RBM38: variants seen among roughly 807,000 people sequenced by gnomAD.
The protein encoded by RBM38 is RNA binding motif protein 38.
In RBM38, 11 loss-of-function variants were observed where a neutral mutation model predicts 23.5. That is an observed-to-expected ratio of 0.47 (90% CI 0.29 to 0.77). The LOEUF is 0.77. Ranked by LOEUF, RBM38 falls within the 30% of genes least tolerant of loss-of-function variation. The pLI, the probability that RBM38 is intolerant of heterozygous loss-of-function variation, is 0.08. For synonymous variants in RBM38, 165 were observed against 166.1 expected (o/e 0.99, Z 0.05); for missense variants, 330 against 351.9 (o/e 0.94, Z 0.50).
chr20:57,397,122 C>T (rs903621017), intron 3 of RBM38, among the ~76,000 whole-genome samples: 4 of 152,240 alleles, frequency 2.6e-5, no homozygotes, highest in African/African-American at 9.6e-5. Context: ...CTGCAGGCTC[C>T]TCCCCATCTG....
At chr20:57,395,863 AGTTTTGTCGGCCTTGGGCT>A (rs957019285) in intron 3 of RBM38, among the ~76,000 whole-genome samples, 4 of 152,146 alleles carry the variant, frequency 2.6e-5, no homozygotes, top group Admixed American at 6.5e-5. Flanking sequence ...CTCAGCGGCC[AGTTTTGTCGGCCTTGGGCT>A]GGCAGCGACT....
rs373492567 is a variant in RBM38 at position 57,407,831 on chromosome 20, T to A, written c.705T>A (p.Pro235=). The A allele has an allele frequency of 4.8e-5, 76 of 1,571,872 alleles. No individual in the cohort carries two copies. Among genetic ancestry groups the A allele is most frequent in the Admixed American group, 2.8e-4 (15 of 54,324 alleles). The change falls in exon 4 of 4, where the codon CCT becomes CCA. Residue 235 remains proline (P), a synonymous_variant. Coordinates refer to ENST00000356208, the MANE Select transcript of RBM38 (RefSeq NM_017495.6). This position sits in a 1 kb window ranked among gnomAD's most constrained non-coding sequence, Gnocchi z 4.0. ...FVQYQAPQLQ[P]DRMQ ...AGTACCAGGCGCCGCAGCTGCAGCCTGACAGGATGCAGTGAGGGGCGTTCC... is the reference window on the plus strand; with the variant it reads ...AGTACCAGGCGCCGCAGCTGCAGCCAGACAGGATGCAGTGAGGGGCGTTCC...
At chr20:57,394,380 A>G (rs926800574) in intron 3 of RBM38, among the ~76,000 whole-genome samples, 1 of 151,680 alleles carries the variant, frequency 6.6e-6, no homozygotes, top group Non-Finnish European at 1.5e-5. Flanking sequence ...AGGCCCCAGC[A>G]GAAGTTGCTG....
intron 2 of RBM38, 71 bp from the exon 3 acceptor site, chr20:57,393,208 C>T: frequency 6.9e-7 from 1 of 1,445,458 alleles, no homozygotes; most frequent in Non-Finnish European, 9.7e-7. Context: ...GGGATTCTGC[C>T]ACCCTGTGTG....
At chr20:57,393,601 C>G (rs1351805192) in intron 3 of RBM38, among the ~76,000 whole-genome samples, 1 of 152,196 alleles carries the variant, frequency 6.6e-6, no homozygotes, top group East Asian at 1.9e-4. Flanking sequence ...TTTCCTCACC[C>G]GTAAAATGGG....
At chr20:57,398,276 A>G (rs940822468) in intron 3 of RBM38, among the ~76,000 whole-genome samples, 3 of 148,658 alleles carry the variant, frequency 2.0e-5, no homozygotes, top group Non-Finnish European at 3.0e-5. Context: ...GTGTGTGTGT[A>G]CGCACGCACA....
Position 57,399,475 on chromosome 20 carries a change from G to GA in RBM38, c.416+6145dup, listed in dbSNP as rs1298097287. Among the ~76,000 whole-genome samples the GA allele has an allele frequency of 3.3e-5, 5 of 152,288 alleles. No individual in the cohort carries two copies. In the East Asian group the frequency reaches 7.7e-4, roughly 23 times the overall value. ...TGTCTATTTTAAAGAACCTGGGAAA[G>GA]AAAGAGGAGTCCAAGAAGATTCTGG... On this transcript the variant is annotated intron_variant, in intron 3 of 3. Transcript: ENST00000356208.
chr20:57,406,559 G>T (rs913570791), intron 3 of RBM38, among the ~76,000 whole-genome samples: 2 of 152,192 alleles, frequency 1.3e-5, no homozygotes, highest in African/African-American at 4.8e-5. Flanking sequence ...CAGCGTGGGC[G>T]CTGGCGAGTA....
chr20:57,399,423 C>T lies in RBM38; in HGVS notation c.416+6090C>T, dbSNP rs111589898. On this transcript the variant is annotated intron_variant, in intron 3 of 3. Transcript: ENST00000356208. ...CGAGGGTGCTGCCTGCACCAGCGGC[C>T]CTGGTGAGATACAGTGAGATTCTGG... Among the ~76,000 whole-genome samples the T allele has an allele frequency of 4.1e-4, 62 of 152,190 alleles. No homozygotes were observed. In the East Asian group the frequency reaches 0.011, roughly 26 times the overall value.
rs764073142 is a variant in RBM38, at chr20:57,407,580, C to T, written c.454C>T (p.Gln152Ter). Residue 152 changes from glutamine to a stop codon, truncating the protein, a stop_gained, in exon 4 of 4, where the codon CAG becomes TAG. Coordinates refer to ENST00000356208, the MANE Select transcript of RBM38 (RefSeq NM_017495.6). LOFTEE classifies it high-confidence loss of function. The surrounding 1 kb of genome is among the most constrained non-coding windows in gnomAD (Gnocchi z 4.0). ...PHYIYPPAIV[Q>*]PSVVIPAAPV... ...CTACATCTACCCACCAGCCATCGTG[C>T]AGCCCAGCGTGGTGATCCCAGCCGC... 8 of 1,613,796 alleles carry T rather than the reference C, an allele frequency of 5.0e-6. No homozygotes were observed. Among genetic ancestry groups the T allele is most frequent in the Non-Finnish European group, 6.8e-6 (8 of 1,179,846 alleles).
At chr20:57,392,537 C>T (rs2067230754) in intron 1 of RBM38, 117 bp from the exon 2 acceptor site, 2 of 1,517,300 alleles carry the variant, frequency 1.3e-6, no homozygotes, top group Admixed American at 4.2e-5. Context: ...GGGTCACAGG[C>T]ACCCTCAGAG....
At chr20:57,401,686 G>A (rs966199756) in intron 3 of RBM38, among the ~76,000 whole-genome samples, 2 of 152,218 alleles carry the variant, frequency 1.3e-5, no homozygotes, top group African/African-American at 4.8e-5. Flanking sequence ...ACCCCTGAGG[G>A]GTGAGCTTTG....
At chr20:57,392,018 A>ACCACCCCAGGCACCGG (rs1568804236) in intron 1 of RBM38, among the ~76,000 whole-genome samples, 200 bp downstream of exon 1, 1 of 48,168 alleles carries the variant, frequency 2.1e-5, no homozygotes, top group Non-Finnish European at 3.5e-5. Flanking sequence ...CCCGGCCCCC[A>ACCACCCCAGGCACCGG]CCCCCACCCC....
At chr20:57,396,875 G>A (rs2067280121) in intron 3 of RBM38, among the ~76,000 whole-genome samples, 1 of 152,198 alleles carries the variant, frequency 6.6e-6, no homozygotes, top group Non-Finnish European at 1.5e-5. Context: ...AGGACAATAA[G>A]GGCCAGTACG....
In RBM38 at chr20:57,392,640, C is replaced by G. The variant is rs1322089361; in HGVS notation, c.238-14C>G. ...CCCCCCACGGCAGCCCCTGATGTGTCTCTGCTCCACCAGGTGACCATGGCC... is the reference window on the plus strand; with the variant it reads ...CCCCCCACGGCAGCCCCTGATGTGTGTCTGCTCCACCAGGTGACCATGGCC... On this transcript the variant is annotated splice_polypyrimidine_tract_variant and intron_variant, in intron 1 of 3. Transcript: ENST00000356208. The G allele has an allele frequency of 6.2e-7, 1 of 1,608,420 alleles. No individual in the cohort carries two copies. The highest frequency in any genetic ancestry group is 1.1e-5 in the South Asian group (1 of 90,662).
chr20:57,400,084 A>G (rs1600752305), intron 3 of RBM38: 1 of 440,842 alleles, frequency 2.3e-6, no homozygotes, highest in South Asian at 1.6e-5. Flanking sequence ...CGGAGGCCCA[A>G]GCCCTCTGTC....
intron 3 of RBM38, among the ~76,000 whole-genome samples, chr20:57,400,147 C>T (rs2067313080): frequency 1.3e-5 from 2 of 152,180 alleles, no homozygotes; most frequent in African/African-American, 4.8e-5. Context: ...GATGGGGAAA[C>T]AGAGGCCGGA....
At chr20:57,393,368 C>G (rs781180017) in intron 3 of RBM38, 35 bp downstream of exon 3, 1 of 1,606,384 alleles carries the variant, frequency 6.2e-7, no homozygotes, top group Non-Finnish European at 8.5e-7. Flanking sequence ...GTGGGTAGTC[C>G]GTGGAGATGA....
At chr20:57,393,812 G>A (rs1360297402) in intron 3 of RBM38, among the ~76,000 whole-genome samples, 1 of 152,144 alleles carries the variant, frequency 6.6e-6, no homozygotes, top group Non-Finnish European at 1.5e-5. Context: ...GTTTGTGAAC[G>A]TTGCTGTAGA....
Sources: allele counts gnomAD v4.1 joint callset (sites outside exome capture counted in the v4.1 genomes callset), GRCh38; gene constraint gnomAD v4.1.1; non-coding constraint Gnocchi (gnomAD v3.1); transcripts MANE v1.5; gene names NCBI Gene and HGNC (gene_info 2026-07-23, HGNC 2026-07-21).